The following MROH2B variants were observed in gnomAD, a reference collection of about 807,000 sequenced individuals.
MROH2B encodes the protein maestro heat like repeat family member 2B.
In MROH2B, 177 loss-of-function variants were observed where a neutral mutation model predicts 208.6. The ratio of observed to expected loss-of-function variants is 0.85; its 90% CI spans 0.75 to 0.96. The LOEUF is 0.96. MROH2B is among the 40% of genes least tolerant of loss of function. The pLI, the probability that MROH2B is intolerant of heterozygous loss-of-function variation, is 0.00. For missense variants in MROH2B, 2,002 were observed against 1,878.7 expected, an observed-to-expected ratio of 1.07 and a Z score of -1.21; for synonymous variants, 728 against 659.0, an observed-to-expected ratio of 1.10 and a Z score of -1.60.
rs1741676154 is a variant in MROH2B at position 41,008,755 on chromosome 5, G to A, written c.3459C>T (p.Thr1153=). The part of the protein sequence containing the change: ...CAMYEVISMG[T]SVTGLYPELF... ...GCTCTGGATACAAGCCGGTGACAGA[G>A]GTGCCCATTGAGATCACTTCATACA... is the stretch of plus-strand genomic sequence containing the variant. Residue 1153 remains threonine (T), a synonymous_variant, in exon 33 of 42, where the codon ACC becomes ACT. Transcript: ENST00000399564. 1.9e-6 allele frequency: 3 copies of A among 1,613,658 alleles called. No homozygotes were observed. Among genetic ancestry groups the A allele is most frequent in the Middle Eastern group, 1.6e-4 (1 of 6,062 alleles).
chr5:41,050,166 CAT>C (rs1743244020), intron 13 of MROH2B, among the ~76,000 whole-genome samples: 1 of 152,310 alleles, frequency 6.6e-6, no homozygotes, highest in Middle Eastern at 3.4e-3. Flanking sequence ...TTAGTCTACT[CAT>C]GTGTGAATCT....
chr5:41,023,812 C>T (rs922593589), intron 24 of MROH2B, among the ~76,000 whole-genome samples: 1 of 152,138 alleles, frequency 6.6e-6, no homozygotes, highest in Non-Finnish European at 1.5e-5. Flanking sequence ...AAAGGGAAGC[C>T]CATCAGACTA....
At chr5:41,064,676 A>G (rs1258760113) in intron 4 of MROH2B, 106 bp from the exon 5 acceptor site, 2 of 718,548 alleles carry the variant, frequency 2.8e-6, no homozygotes, top group Non-Finnish European at 4.8e-6. Flanking sequence ...CGGAGGAGGC[A>G]GATGAGGTGT....
chr5:41,048,846 A>G (rs1183834234), intron 15 of MROH2B, among the ~76,000 whole-genome samples: 1 of 152,240 alleles, frequency 6.6e-6, no homozygotes, highest in Non-Finnish European at 1.5e-5. Flanking sequence ...GTTTAATGGT[A>G]CTTATGAATG....
chr5:41,042,786 G>C (rs991158135), intron 18 of MROH2B, among the ~76,000 whole-genome samples: 1 of 152,024 alleles, frequency 6.6e-6, no homozygotes, highest in African/African-American at 2.4e-5. Flanking sequence ...TGTATTTTTA[G>C]TGGAGACAGG....
At chr5:41,042,052 G>T (rs1579941532) in intron 19 of MROH2B, 40 bp downstream of exon 19, 4 of 1,163,212 alleles carry the variant, frequency 3.4e-6, no homozygotes, top group African/African-American at 3.0e-5. Flanking sequence ...TAGTTGTGTT[G>T]TTATCATCAT....
intron 33 of MROH2B, 126 bp downstream of exon 33, chr5:41,008,480 A>C: frequency 1.9e-6 from 2 of 1,076,650 alleles, no homozygotes. Flanking sequence ...AGAGCCTTGT[A>C]GAGCCTTGTT....
chr5:41,061,137 T>C (rs1466410903), intron 6 of MROH2B, among the ~76,000 whole-genome samples: 1 of 152,246 alleles, frequency 6.6e-6, no homozygotes, highest in African/African-American at 2.4e-5. Context: ...ATGATATTCA[T>C]AGACACAAGA....
chr5:41,045,705 A>C, intron 18 of MROH2B, 41 bp downstream of exon 18: 1 of 1,478,470 alleles, frequency 6.8e-7, no homozygotes, highest in Non-Finnish European at 9.5e-7. Context: ...ATTTTGGATC[A>C]TAGGTAAAAG....
chr5:41,017,801 G>T, intron 28 of MROH2B, 49 bp downstream of exon 28: 1 of 1,536,206 alleles, frequency 6.5e-7, no homozygotes. Flanking sequence ...GAGAATAAAA[G>T]AAGATGGGTT....
chr5:41,009,825 CTTTG>C, intron 31 of MROH2B, 93 bp downstream of exon 31: 1 of 1,240,362 alleles, frequency 8.1e-7, no homozygotes, highest in Non-Finnish European at 1.1e-6. Flanking sequence ...TATTTTCAAC[CTTTG>C]TTTGCTATCT....
In MROH2B at chr5:41,000,290, A is replaced by G. The variant is rs199554682; in HGVS notation, c.4412T>C (p.Val1471Ala). ...PFLGLQELYG[V>A]LDRLLDQDLP... ...ATCCTGATCAAGGAGACGGTCTAAT[A>G]CCCCATAGAGCTCCTGGAGGCCCAA... The change falls in exon 39 of 42, where the codon GTA (valine) becomes GCA (alanine). Residue 1471 changes from valine to alanine, a missense_variant. By Grantham distance (64) the Val-to-Ala change is moderately conservative. Transcript: ENST00000399564. 6.2e-6 allele frequency: 10 copies of G among 1,613,820 alleles called. No individual in the cohort carries two copies. The Admixed American group carries it at 6.7e-5, about 11-fold the overall frequency.
chr5:41,061,570 C>T lies in MROH2B; in HGVS notation c.615G>A (p.Gln205=). ...TTGAGGCATCCTGAGGCCCACTCAC[C>T]TGCATGGGTGAGGCCAAAGGGGCCC... is the stretch of plus-strand genomic sequence containing the variant. ...EKWAPLASPM[Q]TLSIVKAHGP... Residue 205 remains glutamine (Q), a splice_region_variant and synonymous_variant, in exon 6 of 42, where the codon CAG becomes CAA. Coordinates refer to ENST00000399564, the MANE Select transcript of MROH2B (RefSeq NM_173489.5). 6.2e-7 allele frequency: 1 copy of T among 1,609,626 alleles called. No homozygotes were observed. Among genetic ancestry groups the T allele is most frequent in the South Asian group, 1.1e-5 (1 of 90,092 alleles).
chr5:41,037,894 T>C (rs548475660), intron 21 of MROH2B, among the ~76,000 whole-genome samples: 1 of 152,324 alleles, frequency 6.6e-6, no homozygotes, highest in South Asian at 2.1e-4. Context: ...GCCAGCCTGG[T>C]ATTTGTCAGC....
intron 9 of MROH2B, among the ~76,000 whole-genome samples, chr5:41,056,902 T>C (rs1743472381): frequency 6.6e-6 from 1 of 152,178 alleles, no homozygotes; most frequent in Admixed American, 6.5e-5. Flanking sequence ...GTGGAAACCC[T>C]GGCATCATTG....
intron 3 of MROH2B, among the ~76,000 whole-genome samples, chr5:41,066,083 A>T (rs1743804792): frequency 6.6e-6 from 1 of 152,136 alleles, no homozygotes; most frequent in African/African-American, 2.4e-5. Context: ...CAAGACTTAC[A>T]TTTTATGTTT....
chr5:41,069,759 C>G lies in MROH2B; in HGVS notation c.29-7G>C. On this transcript the variant is annotated splice_region_variant and splice_polypyrimidine_tract_variant and intron_variant, in intron 1 of 41. Coordinates refer to ENST00000399564, the MANE Select transcript of MROH2B (RefSeq NM_173489.5). ...TTAATATCCCCAAACATCTCTAAAA[C>G]GTACAGAAAAATATGAATTGAAATA... is the stretch of plus-strand genomic sequence containing the variant. 1 of 1,586,952 alleles carries G rather than the reference C, an allele frequency of 6.3e-7. No homozygotes were observed. Among genetic ancestry groups the G allele is most frequent in the South Asian group, 1.1e-5 (1 of 88,190 alleles).
rs193024173 is a variant in MROH2B at position 41,054,573 on chromosome 5, C to T, written c.1107+194G>A. ...AATCTTCTTCTTTTCACTGAGACGT[C>T]CTTTAGCTGTGTGTACTTTAGGCCT... On this transcript the variant is annotated intron_variant, in intron 11 of 41. Transcript: ENST00000399564. Among the ~76,000 whole-genome samples the T allele has an allele frequency of 3.3e-5, 5 of 152,242 alleles. No homozygotes were observed. In the East Asian group the frequency reaches 7.7e-4, roughly 24 times the overall value.
intron 37 of MROH2B, among the ~76,000 whole-genome samples, chr5:41,001,251 T>G (rs1453388144): frequency 1.3e-5 from 2 of 152,158 alleles, no homozygotes; most frequent in Non-Finnish European, 2.9e-5. Context: ...GGCTTGGTAC[T>G]ATTCTCCATG....
Sources: gnomAD v4.1 joint callset for allele counts (sites outside exome capture counted in the v4.1 genomes callset) on GRCh38, gnomAD v4.1.1 for gene constraint, MANE v1.5 for transcripts, NCBI Gene and HGNC (gene_info 2026-07-23, HGNC 2026-07-21) for gene names.